RHBDL2: variants seen among roughly 807,000 people sequenced by gnomAD.
RHBDL2 encodes the protein rhomboid-related protein 2.
A neutral mutation model predicts 31.7 loss-of-function variants in RHBDL2; 26 were observed. That is an observed-to-expected ratio of 0.82 (90% CI 0.60 to 1.14). The LOEUF is 1.14. RHBDL2 is among the 50% of genes most tolerant of loss of function. The pLI, the probability that RHBDL2 is intolerant of heterozygous loss-of-function variation, is 0.00. For missense variants in RHBDL2, 336 were observed against 364.4 expected, an observed-to-expected ratio of 0.92 and a Z score of 0.63; for synonymous variants, 123 against 127.2, an observed-to-expected ratio of 0.97 and a Z score of 0.22.
chr1:38,892,632 T>C (rs1642868828), intron 6 of RHBDL2, among the ~76,000 whole-genome samples: 3 of 152,206 alleles, frequency 2.0e-5, no homozygotes, highest in Admixed American at 2.0e-4. Context: ...GGAAAGGCCT[T>C]CTGAAGCCTA....
At position 38,917,674 on chromosome 1, in the gene RHBDL2, G is replaced by A. The variant is rs12059851; in HGVS notation, c.246+1293C>T. Among the ~76,000 whole-genome samples the A allele has an allele frequency of 2.1e-3, 315 of 152,256 alleles. 2 individuals carry two copies. The highest frequency in any genetic ancestry group is 6.9e-3 in the African/African-American group (287 of 41,534). ...TCCCAGTTGCAAGCAGTCTCACAGTGAAATCCTGTGAAAAAAATTAGAACT... is the reference window on the plus strand; with the variant it reads ...TCCCAGTTGCAAGCAGTCTCACAGTAAAATCCTGTGAAAAAAATTAGAACT... On this transcript the variant is annotated intron_variant, in intron 2 of 7. Coordinates refer to ENST00000372990, the MANE Select transcript of RHBDL2 (RefSeq NM_017821.5).
At chr1:38,900,761 G>A (rs1210695612) in intron 4 of RHBDL2, among the ~76,000 whole-genome samples, 1 of 151,430 alleles carries the variant, frequency 6.6e-6, no homozygotes, top group Non-Finnish European at 1.5e-5. Flanking sequence ...AAAATAAAAA[G>A]CATTGGCCGG....
chr1:38,940,350 A>G (rs962340894), intron 1 of RHBDL2, among the ~76,000 whole-genome samples: 2 of 151,932 alleles, frequency 1.3e-5, no homozygotes, highest in African/African-American at 2.4e-5. Context: ...CCCTAATCCC[A>G]TGCCTATGTG....
intron 1 of RHBDL2, among the ~76,000 whole-genome samples, chr1:38,932,476 T>C (rs1643448834): frequency 6.6e-6 from 1 of 152,170 alleles, no homozygotes; most frequent in Non-Finnish European, 1.5e-5. Context: ...TTTGTTTGTT[T>C]TGAGACAAGG....
rs763113392 is a variant in RHBDL2, at chr1:38,886,627, C to G, written c.789G>C (p.Thr263=). The G allele has an allele frequency of 1.3e-6, 2 of 1,599,968 alleles. No homozygotes were observed. Among genetic ancestry groups the G allele is most frequent in the African/African-American group, 1.3e-5 (1 of 74,666 alleles). Residue 263 remains threonine, a synonymous_variant, in exon 8 of 8, where the codon ACG becomes ACC. Coordinates refer to ENST00000372990, the MANE Select transcript of RHBDL2 (RefSeq NM_017821.5). ...GTGCTTTATCAAAGCAGCTAAACAC[C>G]GTGTAGCCAATGGACATTCCAGCAA... ...GGFAGMSIGY[T]VFSCFDKALL... is the part of the protein sequence containing the mutation.
intron 1 of RHBDL2, among the ~76,000 whole-genome samples, chr1:38,928,006 A>C (rs1178583625): frequency 2.0e-5 from 3 of 152,190 alleles, no homozygotes; most frequent in African/African-American, 7.2e-5. Context: ...CAAGTGTTAT[A>C]GAAAGGTACT....
rs1200839095 is a variant in RHBDL2, at chr1:38,908,597, TC to T, written c.508+2724del. 2.0e-5 allele frequency among the ~76,000 whole-genome samples: 3 copies of T among 146,816 alleles called. No individual in the cohort carries two copies. In the East Asian group the frequency reaches 6.3e-4, roughly 31 times the overall value. The stretch of plus-strand genomic sequence containing the variant: ...AATGGGAAAAGTTCCCTTGTCCCCC[TC>T]GCAGGGCGTGCGATGGGGGTGTTGT... On this transcript the variant is annotated intron_variant, in intron 4 of 7. Coordinates refer to ENST00000372990, the MANE Select transcript of RHBDL2 (RefSeq NM_017821.5).
chr1:38,918,708 C>T (rs1643270109), intron 2 of RHBDL2, among the ~76,000 whole-genome samples: 1 of 152,166 alleles, frequency 6.6e-6, no homozygotes, highest in South Asian at 2.1e-4. Context: ...AAGGAAGCCA[C>T]TGAAATTGCA....
chr1:38,921,207 C>T (rs1403433997), intron 1 of RHBDL2, among the ~76,000 whole-genome samples: 2 of 152,108 alleles, frequency 1.3e-5, no homozygotes, highest in South Asian at 2.1e-4. Flanking sequence ...CCTGGTGAAA[C>T]GCCATCTCTA....
At chr1:38,911,175 G>T (rs1643136265) in intron 4 of RHBDL2, 147 bp downstream of exon 4, 4 of 524,986 alleles carry the variant, frequency 7.6e-6, no homozygotes, top group Non-Finnish European at 1.0e-5. Flanking sequence ...CTAATTCAAT[G>T]ATCTCTAAGG....
chr1:38,904,203 G>A (rs1334013518), intron 4 of RHBDL2, among the ~76,000 whole-genome samples: 1 of 152,184 alleles, frequency 6.6e-6, no homozygotes, highest in Non-Finnish European at 1.5e-5. Context: ...GGGCGCAGTG[G>A]CTCACGCCTG....
At chr1:38,902,465 G>T (rs1369595425) in intron 4 of RHBDL2, among the ~76,000 whole-genome samples, 1 of 148,412 alleles carries the variant, frequency 6.7e-6, no homozygotes, top group African/African-American at 2.5e-5. Flanking sequence ...TGTCACCCAG[G>T]CTGGAGTACA....
At chr1:38,929,327 G>A (rs1036974365) in intron 1 of RHBDL2, 17 of 1,139,610 alleles carry the variant, frequency 1.5e-5, no homozygotes, top group South Asian at 9.0e-5. Flanking sequence ...ACTCTAGGTG[G>A]ACACAAGCGT....
chr1:38,898,156 T>G lies in RHBDL2; in HGVS notation c.509-2087A>C, dbSNP rs148256747. On this transcript the variant is annotated intron_variant, in intron 4 of 7. Transcript: ENST00000372990. ...CAAAAAAATTGAAAAAAAATAAAAT[T>G]AGCTGGCTGTGGTGGCACATGCCTA... 3.0e-3 allele frequency among the ~76,000 whole-genome samples: 451 copies of G among 151,558 alleles called. 2 individuals are homozygous for G. Among genetic ancestry groups the G allele is most frequent in the African/African-American group, 0.01 (431 of 41,268 alleles).
chr1:38,911,006 T>C (rs1158655650), intron 4 of RHBDL2, among the ~76,000 whole-genome samples: 2 of 152,058 alleles, frequency 1.3e-5, no homozygotes, highest in Non-Finnish European at 2.9e-5. Context: ...CTCGAACTCC[T>C]GGCCTCGTGT....
chr1:38,901,872 A>AT (rs1225898436), intron 4 of RHBDL2, among the ~76,000 whole-genome samples: 7 of 151,116 alleles, frequency 4.6e-5, no homozygotes, highest in Non-Finnish European at 7.4e-5. Flanking sequence ...AAATAAATAA[A>AT]ACAAAAACTG....
intron 3 of RHBDL2, among the ~76,000 whole-genome samples, chr1:38,912,598 T>A (rs1056202402): frequency 1.3e-5 from 2 of 151,678 alleles, no homozygotes; most frequent in Non-Finnish European, 2.9e-5. Context: ...ATTTTATTTT[T>A]TTGTAGAGAT....
chr1:38,922,977 C>G (rs1252371169), intron 1 of RHBDL2, among the ~76,000 whole-genome samples: 1 of 152,018 alleles, frequency 6.6e-6, no homozygotes, highest in Non-Finnish European at 1.5e-5. Flanking sequence ...GTAATCCCAG[C>G]TACTCATGAG....
intron 4 of RHBDL2, among the ~76,000 whole-genome samples, chr1:38,901,444 AGAGC>A (rs1240832923): frequency 6.7e-6 from 1 of 148,874 alleles, no homozygotes; most frequent in Non-Finnish European, 1.5e-5. Context: ...CCTAGGTGAT[AGAGC>A]AAGGCTCAGT....
Sources: allele counts gnomAD v4.1 joint callset (sites outside exome capture counted in the v4.1 genomes callset), GRCh38; gene constraint gnomAD v4.1.1; transcripts MANE v1.5; gene names NCBI Gene and HGNC (gene_info 2026-07-23, HGNC 2026-07-21).